CNTN3: variants seen among roughly 807,000 people sequenced by gnomAD.
CNTN3 encodes contactin 3.
Under a neutral mutation model 119.1 loss-of-function variants are expected in CNTN3, and 60 were observed. The ratio of observed to expected loss-of-function variants is 0.50; its 90% confidence interval spans 0.41 to 0.62. The LOEUF (loss-of-function observed/expected upper bound fraction) is 0.62, where lower values mean the gene tolerates loss of function less well. Among genes scored for constraint, CNTN3 ranks in the 20% least tolerant of loss-of-function variants. CNTN3 has a pLI of 0.00. For missense variants in CNTN3, 1,101 were observed against 1,242.4 expected (o/e 0.89, Z 1.71); for synonymous variants, 450 against 438.7 (o/e 1.03, Z -0.32).
At chr3:74,609,819 A>G (rs1237823759) in intron 1 of CNTN3, among the ~76,000 whole-genome samples, 1 of 152,186 alleles carries the variant, frequency 6.6e-6, no homozygotes, top group Non-Finnish European at 1.5e-5. Context: ...TGCATAAAAT[A>G]GATGTGGTAA....
At chr3:74,379,728 AG>A (rs1363024723) in intron 5 of CNTN3, among the ~76,000 whole-genome samples, 2 of 152,168 alleles carry the variant, frequency 1.3e-5, no homozygotes, top group Non-Finnish European at 2.9e-5. Context: ...CTCAAGATGA[AG>A]AAGTGTAATG....
intron 11 of CNTN3, among the ~76,000 whole-genome samples, chr3:74,337,287 G>A (rs1703420218): frequency 6.6e-6 from 1 of 152,034 alleles, no homozygotes. Flanking sequence ...ATTAATTAAG[G>A]AAATATAACT....
At chr3:74,494,551 C>A (rs546532075) in intron 3 of CNTN3, among the ~76,000 whole-genome samples, 2 of 152,154 alleles carry the variant, frequency 1.3e-5, no homozygotes, top group Admixed American at 6.6e-5. Flanking sequence ...CACCTCAAGG[C>A]AATTTGTCTT....
intron 13 of CNTN3, among the ~76,000 whole-genome samples, chr3:74,318,445 G>GT (rs1038273222): frequency 1.3e-4 from 20 of 152,168 alleles, no homozygotes; most frequent in Admixed American, 3.3e-4. Context: ...TTTCTGCTCT[G>GT]TTTTTTTGCC....
At chr3:74,581,094 T>A (rs1034389534) in intron 1 of CNTN3, among the ~76,000 whole-genome samples, 11 of 152,148 alleles carry the variant, frequency 7.2e-5, no homozygotes, top group Non-Finnish European at 1.2e-4. Flanking sequence ...ATAACCTTTC[T>A]CAATATTTCT....
intron 4 of CNTN3, among the ~76,000 whole-genome samples, chr3:74,457,690 A>T (rs1190122381): frequency 6.6e-6 from 1 of 152,056 alleles, no homozygotes; most frequent in South Asian, 2.1e-4. Context: ...TTCAGCATCT[A>T]TAAATGAAGT....
chr3:74,578,206 G>A (rs1349195710), intron 1 of CNTN3, among the ~76,000 whole-genome samples: 3 of 151,792 alleles, frequency 2.0e-5, no homozygotes, highest in Non-Finnish European at 4.4e-5. Flanking sequence ...ACCAGACTCT[G>A]GTTATAAGAT....
intron 1 of CNTN3, among the ~76,000 whole-genome samples, chr3:74,582,799 G>GTGTA (rs1445542608): frequency 1.5e-4 from 23 of 152,126 alleles, no homozygotes; most frequent in Middle Eastern, 3.4e-3. Context: ...GTGTGTGTGT[G>GTGTA]TGTGTGTGTG....
chr3:74,490,664 A>C (rs920084492), intron 3 of CNTN3, among the ~76,000 whole-genome samples: 2 of 152,194 alleles, frequency 1.3e-5, no homozygotes, highest in African/African-American at 4.8e-5. Flanking sequence ...TCAAAAGGAG[A>C]AAGATTTGTT....
At chr3:74,498,209 A>G (rs183356972) in intron 3 of CNTN3, among the ~76,000 whole-genome samples, 2 of 151,930 alleles carry the variant, frequency 1.3e-5, no homozygotes, top group Admixed American at 1.3e-4. Flanking sequence ...CTTTCATTTC[A>G]GGGAGAAACA....
chr3:74,299,730 C>G, intron 17 of CNTN3, 138 bp downstream of exon 17: 2 of 576,256 alleles, frequency 3.5e-6, no homozygotes, highest in Non-Finnish European at 6.0e-6. Context: ...TATATTACCA[C>G]CAGCAGCAGC....
intron 4 of CNTN3, among the ~76,000 whole-genome samples, chr3:74,455,154 T>C (rs1392421728): frequency 5.9e-5 from 9 of 152,266 alleles, no homozygotes; most frequent in Admixed American, 4.6e-4. Context: ...CAATCAGACG[T>C]AGATTTGGTC....
chr3:74,298,041 G>A lies in CNTN3; in HGVS notation c.2317C>T (p.Pro773Ser), dbSNP rs766543230. Residue 773 changes from proline to serine, a missense_variant, in exon 18 of 23, where the codon CCA becomes TCA. Coordinates refer to ENST00000263665, the MANE Select transcript of CNTN3 (RefSeq NM_020872.3). ...FRNESIVPYS[P>S]YEVKVGVYNN... ...TAAACACCCACTTTAACTTCATATGGTGAATATGGCACGATGCTTTCATTC... is the reference window on the plus strand; with the variant it reads ...TAAACACCCACTTTAACTTCATATGATGAATATGGCACGATGCTTTCATTC... 1.2e-6 allele frequency: 2 copies of A among 1,614,004 alleles called. No individual in the cohort carries two copies. The highest frequency in any genetic ancestry group is 1.7e-6 in the Non-Finnish European group (2 of 1,179,968).
chr3:74,437,722 T>C (rs1701892967), intron 4 of CNTN3, among the ~76,000 whole-genome samples: 2 of 152,134 alleles, frequency 1.3e-5, no homozygotes, highest in Admixed American at 1.3e-4. Context: ...TACATATATA[T>C]AGCCCTAGAA....
At chr3:74,449,545 T>C (rs1702109082) in intron 4 of CNTN3, among the ~76,000 whole-genome samples, 1 of 152,086 alleles carries the variant, frequency 6.6e-6, no homozygotes, top group Non-Finnish European at 1.5e-5. Flanking sequence ...GGGAAGGGGT[T>C]TTGGATCTAT....
At chr3:74,424,784 C>A in intron 5 of CNTN3, 61 bp downstream of exon 5, 1 of 1,326,012 alleles carries the variant, frequency 7.5e-7, no homozygotes, top group Non-Finnish European at 1.1e-6. Flanking sequence ...ACAGTACATG[C>A]GCTGCAGGCC....
chr3:74,497,829 AGT>A (rs1288903258), intron 3 of CNTN3, among the ~76,000 whole-genome samples: 1 of 151,854 alleles, frequency 6.6e-6, no homozygotes. Flanking sequence ...CTATGCAAAC[AGT>A]GAAACTTCTT....
At chr3:74,483,170 C>T (rs1021038663) in intron 4 of CNTN3, among the ~76,000 whole-genome samples, 13 of 151,668 alleles carry the variant, frequency 8.6e-5, no homozygotes, top group African/African-American at 2.4e-4. Flanking sequence ...AATCAAATGT[C>T]AATATATAGG....
chr3:74,320,807 A>T (rs941901623), intron 13 of CNTN3, among the ~76,000 whole-genome samples: 4 of 152,172 alleles, frequency 2.6e-5, no homozygotes, highest in African/African-American at 7.2e-5. Flanking sequence ...TATTGTGGAC[A>T]TATGCAATTT....
Sources: gnomAD v4.1 joint callset for allele counts (sites outside exome capture counted in the v4.1 genomes callset) on GRCh38, gnomAD v4.1.1 for gene constraint, MANE v1.5 for transcripts, NCBI Gene and HGNC (gene_info 2026-07-23, HGNC 2026-07-21) for gene names.